RC3H2: variants seen among roughly 807,000 people sequenced by gnomAD.
RC3H2 encodes ring finger and CCCH-type domains 2.
A neutral mutation model predicts 133.3 loss-of-function variants in RC3H2; 31 were observed. That is an observed-to-expected ratio of 0.23 (90% CI 0.17 to 0.31). The LOEUF is 0.31. Ranked by LOEUF, RC3H2 falls within the 10% of genes least tolerant of loss-of-function variation. The pLI is 1.00. For missense variants in RC3H2, 1,175 were observed against 1,437.2 expected (o/e 0.82, Z 2.95); for synonymous variants, 517 against 502.2 (o/e 1.03, Z -0.40).
At chr9:122,900,940 G>C (rs1361987190) in intron 1 of RC3H2, among the ~76,000 whole-genome samples, 7 of 152,174 alleles carry the variant, frequency 4.6e-5, no homozygotes, top group Non-Finnish European at 7.4e-5. Context: ...TTTCCAGACT[G>C]TAAGTTCCTT....
intron 9 of RC3H2, among the ~76,000 whole-genome samples, chr9:122,866,647 T>C (rs1188858594): frequency 6.6e-6 from 1 of 152,110 alleles, no homozygotes; most frequent in Non-Finnish European, 1.5e-5. Context: ...CCGCGAGTGA[T>C]CCGCCAGCCT....
At chr9:122,866,200 T>C (rs1297024568) in intron 9 of RC3H2, among the ~76,000 whole-genome samples, 3 of 152,208 alleles carry the variant, frequency 2.0e-5, no homozygotes, top group Non-Finnish European at 4.4e-5. Context: ...TGTATTATAG[T>C]TCTCAGAATA....
At chr9:122,852,443 C>A (rs1188265473) in intron 18 of RC3H2, among the ~76,000 whole-genome samples, 1 of 136,520 alleles carries the variant, frequency 7.3e-6, no homozygotes, top group South Asian at 2.4e-4. Flanking sequence ...CCGCCCCGTC[C>A]GGGAGGTGAG....
intron 6 of RC3H2, 55 bp downstream of exon 6, chr9:122,880,539 A>ATACT (rs1292152060): frequency 3.7e-6 from 5 of 1,352,750 alleles, no homozygotes; most frequent in Non-Finnish European, 4.2e-6. Flanking sequence ...GAATATTCTA[A>ATACT]TACTCTTCAA....
chr9:122,865,611 G>A lies in RC3H2; in HGVS notation c.1372C>T (p.Pro458Ser), dbSNP rs1421366990. Residue 458 changes from proline (P) to serine (S), a missense_variant, in exon 10 of 21, where the codon CCT becomes TCT. By Grantham distance (74) the Pro-to-Ser change is moderately conservative. This residue lies in a region of RC3H2 where 490 missense variants were observed against 492.8 expected (regional missense o/e 0.99). Coordinates refer to ENST00000357244, the MANE Select transcript of RC3H2 (RefSeq NM_001100588.3). The stretch of plus-strand genomic sequence containing the variant: ...TTTACACCAACTTTATTTAGAAGAG[G>A]AAACGTTCTTACAGTGGCATTGATC... ...KKINATVRTF[P>S]LLNKVGVNNT... 5 of 1,613,882 alleles carry A rather than the reference G, an allele frequency of 3.1e-6. No homozygotes were observed. The highest frequency in any genetic ancestry group is 4.2e-6 in the Non-Finnish European group (5 of 1,180,012).
rs36205979 is a variant in RC3H2 at position 122,868,839 on chromosome 9, ATGTG to A, written c.1326-3186_1326-3183del. Among the ~76,000 whole-genome samples the A allele has an allele frequency of 7.0e-3, 827 of 118,826 alleles. 9 individuals are homozygous for A. Among genetic ancestry groups the A allele is most frequent in the East Asian group, 0.038 (137 of 3,610 alleles). The allele number at this position is 118,826 out of a possible 152,430, so 78.0% of individuals were successfully genotyped here. ...AATCCTTAACAATATTCCCTCCTATATGTGTGTGTGTGTGTGTGTGTGTGTGTGT... is the reference window on the plus strand; with the variant it reads ...AATCCTTAACAATATTCCCTCCTATATGTGTGTGTGTGTGTGTGTGTGTGT... On this transcript the variant is annotated intron_variant, in intron 9 of 20. Coordinates refer to ENST00000357244, the MANE Select transcript of RC3H2 (RefSeq NM_001100588.3).
intron 9 of RC3H2, among the ~76,000 whole-genome samples, chr9:122,870,708 G>T (rs1007723681): frequency 2.6e-5 from 4 of 152,150 alleles, no homozygotes; most frequent in African/African-American, 9.7e-5. Context: ...GCACCACCAT[G>T]CGTAACTCTC....
chr9:122,892,940 T>G lies in RC3H2; in HGVS notation c.318A>C (p.Ala106=). 1 of 1,613,136 alleles carries G rather than the reference T, an allele frequency of 6.2e-7. No homozygotes were observed. The highest frequency in any genetic ancestry group is 8.5e-7 in the Non-Finnish European group (1 of 1,179,900). Residue 106 remains alanine, a synonymous_variant, in exon 3 of 21, where the codon GCA becomes GCC. Transcript: ENST00000357244. ...EVAKKCVEDL[A]LYLKPLSGGK... is the part of the protein sequence containing the mutation. Reference sequence around the variant, plus strand: ...CTCCACTTAGTGGTTTTAAGTAGAGTGCCAAATCCTCAACGCATTTCTTTG... The same window carrying G: ...CTCCACTTAGTGGTTTTAAGTAGAGGGCCAAATCCTCAACGCATTTCTTTG...
Position 122,847,146 on chromosome 9 carries a change from T to C in RC3H2, c.*2481A>G, listed in dbSNP as rs1197104566. 6.6e-6 allele frequency: 1 copy of C among 152,140 alleles called. No individual in the cohort carries two copies. Among genetic ancestry groups the C allele is most frequent in the African/African-American group, 2.4e-5 (1 of 41,440 alleles). The allele number at this position is 152,140 out of a possible 1,614,324, so 9.4% of individuals were successfully genotyped here. On this transcript the variant is annotated 3_prime_UTR_variant, in exon 21 of 21. Coordinates refer to ENST00000357244, the MANE Select transcript of RC3H2 (RefSeq NM_001100588.3). ...AATAAGGTTGGCAGGTATATACATA[T>C]ACTGATGCAAATGTAATTTCACTGG... is the stretch of plus-strand genomic sequence containing the variant.
At chr9:122,875,311 C>A (rs75844899) in intron 9 of RC3H2, 4 of 1,550,472 alleles carry the variant, frequency 2.6e-6, no homozygotes, top group Non-Finnish European at 3.5e-6. Context: ...GTACAGTGCC[C>A]AAGCTAGCCA....
chr9:122,871,176 A>G (rs531843915), intron 9 of RC3H2, among the ~76,000 whole-genome samples: 7 of 152,328 alleles, frequency 4.6e-5, no homozygotes, highest in Non-Finnish European at 7.4e-5. Context: ...GTTCCTGACT[A>G]AAGCCAGTCT....
rs779146972 is a variant in RC3H2, at chr9:122,897,446, C to T, written c.64G>A (p.Asp22Asn). 6.2e-7 allele frequency: 1 copy of T among 1,614,188 alleles called. No individual in the cohort carries two copies. Among genetic ancestry groups the T allele is most frequent in the Non-Finnish European group, 8.5e-7 (1 of 1,180,030 alleles). Residue 22 changes from aspartate (D) to asparagine (N), a missense_variant, in exon 2 of 21, where the codon GAT becomes AAT. Coordinates refer to ENST00000357244, the MANE Select transcript of RC3H2 (RefSeq NM_001100588.3). Reference protein sequence around the residue: ...LSCPICYNEFDENVHKPISLG... With the variant: ...LSCPICYNEFNENVHKPISLG... ...CTGATGGGTTTGTGCACATTCTCAT[C>T]AAATTCATTATAGCAGATTGGACAG...
Position 122,905,255 on chromosome 9 carries a change from G to A in RC3H2, c.-213C>T, listed in dbSNP as rs572977715. 4.1e-6 allele frequency: 4 copies of A among 985,846 alleles called. No individual in the cohort carries two copies. In the South Asian group the frequency reaches 1.9e-4, roughly 46 times the overall value. The allele number at this position is 985,846 out of a possible 1,614,324, so 61.1% of individuals were successfully genotyped here. A position where few individuals can be genotyped will look rare whatever the true frequency, so the allele number is the denominator to read the frequency against. On this transcript the variant is annotated 5_prime_UTR_variant, in exon 1 of 21. Coordinates refer to ENST00000357244, the MANE Select transcript of RC3H2 (RefSeq NM_001100588.3). ...AACTCCATCGGGAGCTACAGGGACAGCCCCGTTGGCGGCGGCGAAGGCCGC... is the reference window on the plus strand; with the variant it reads ...AACTCCATCGGGAGCTACAGGGACAACCCCGTTGGCGGCGGCGAAGGCCGC...
chr9:122,902,616 G>A (rs913974060), intron 1 of RC3H2, among the ~76,000 whole-genome samples: 8 of 152,060 alleles, frequency 5.3e-5, no homozygotes, highest in Non-Finnish European at 8.8e-5. Flanking sequence ...AGGCGGAGGC[G>A]GGAGGTGGGT....
At chr9:122,872,592 C>A (rs1831146012) in intron 9 of RC3H2, among the ~76,000 whole-genome samples, 1 of 152,064 alleles carries the variant, frequency 6.6e-6, no homozygotes, top group African/African-American at 2.4e-5. Context: ...ATATAATAAT[C>A]TTTTATAACT....
intron 18 of RC3H2, 74 bp downstream of exon 18, chr9:122,853,878 T>C (rs1428210195): frequency 6.2e-7 from 1 of 1,614,052 alleles, no homozygotes; most frequent in Admixed American, 1.7e-5. Context: ...ATGCACTCAG[T>C]AATGGTATAA....
intron 10 of RC3H2, among the ~76,000 whole-genome samples, chr9:122,860,359 C>T (rs892541971): frequency 1.3e-5 from 2 of 150,794 alleles, no homozygotes; most frequent in African/African-American, 2.4e-5. Flanking sequence ...GGAATAAAAA[C>T]GATTCCCAGA....
rs537816490 is a variant in RC3H2 at position 122,893,768 on chromosome 9, C to T, written c.232-742G>A. ...GTTTTTTTTTCCCCAAAGCACTTAT[C>T]ACCTTTTTACTATATTATTTACTTA... On this transcript the variant is annotated intron_variant, in intron 2 of 20. Transcript: ENST00000357244. Among the ~76,000 whole-genome samples the T allele has an allele frequency of 4.2e-3, 637 of 151,954 alleles. 6 individuals carry two copies. Among genetic ancestry groups the T allele is most frequent in the South Asian group, 0.025 (120 of 4,804 alleles).
At chr9:122,858,548 G>A (rs1182342610) in intron 12 of RC3H2, 121 bp downstream of exon 12, 3 of 726,744 alleles carry the variant, frequency 4.1e-6, no homozygotes, top group Non-Finnish European at 6.8e-6. Context: ...GGCATAGGGA[G>A]GTCAAGTAAC....
Sources: gnomAD v4.1 joint callset for allele counts (sites outside exome capture counted in the v4.1 genomes callset) on GRCh38, gnomAD v4.1.1 for gene constraint, gnomAD v4.1.1 regional missense constraint, MANE v1.5 for transcripts, NCBI Gene and HGNC (gene_info 2026-07-23, HGNC 2026-07-21) for gene names.